COA1: variants seen among roughly 807,000 people sequenced by gnomAD.
The protein encoded by COA1 is cytochrome c oxidase assembly factor 1 homolog.
In COA1, 13 loss-of-function variants were observed where a neutral mutation model predicts 16.0. That is an observed-to-expected ratio of 0.81 (90% CI 0.53 to 1.29). COA1 has a LOEUF of 1.29. Ranked by LOEUF, COA1 falls within the 50% of genes most tolerant of loss-of-function variation. COA1 has a pLI of 0.00. For missense variants in COA1, 179 were observed against 177.0 expected (o/e 1.01, Z -0.06); for synonymous variants, 65 against 65.7 (o/e 0.99, Z 0.05).
chr7:43,615,654 G>A (rs530796807), intron 6 of COA1, among the ~76,000 whole-genome samples: 1 of 152,152 alleles, frequency 6.6e-6, no homozygotes, highest in East Asian at 1.9e-4. Flanking sequence ...AGCCTACAAA[G>A]CCCTGTGATC....
intron 1 of COA1, among the ~76,000 whole-genome samples, chr7:43,721,338 TATC>T (rs1319817235): frequency 6.6e-6 from 1 of 152,238 alleles, no homozygotes; most frequent in African/African-American, 2.4e-5. Flanking sequence ...GTACAGCAAT[TATC>T]GTCCAGCTGA....
chr7:43,714,036 A>G (rs849187), intron 1 of COA1, among the ~76,000 whole-genome samples: 125,524 of 151,732 alleles, frequency 0.83, 52,371 homozygotes, highest in African/African-American at 0.94. Context: ...CACAGATGGC[A>G]GGAAAAAAAA....
At chr7:43,612,000 C>T (rs1463786010) in intron 6 of COA1, among the ~76,000 whole-genome samples, 2 of 152,186 alleles carry the variant, frequency 1.3e-5, no homozygotes, top group African/African-American at 4.8e-5. Context: ...ATATTAAGTT[C>T]TTGAATACCA....
At chr7:43,647,719 G>T in intron 2 of COA1, 85 bp from the exon 3 acceptor site, 1 of 1,000,662 alleles carries the variant, frequency 1.0e-6, no homozygotes, top group Non-Finnish European at 1.5e-6. Flanking sequence ...CTAAAGGAAA[G>T]AAGCATTAAG....
chr7:43,612,840 T>C (rs1461468979), intron 6 of COA1, among the ~76,000 whole-genome samples: 1 of 152,042 alleles, frequency 6.6e-6, no homozygotes, highest in Non-Finnish European at 1.5e-5. Context: ...GATGCAGATT[T>C]AGGAGTCTGT....
At chr7:43,636,530 G>GA (rs2085906640), downstream of COA1, among the ~76,000 whole-genome samples, 1 of 152,220 alleles carries the variant, frequency 6.6e-6, no homozygotes, top group South Asian at 2.1e-4. Context: ...CTTGCTTTGG[G>GA]AAAACCCTTC....
intron 1 of COA1, among the ~76,000 whole-genome samples, chr7:43,696,390 G>T (rs1284337739): frequency 6.6e-6 from 1 of 152,140 alleles, no homozygotes; most frequent in Non-Finnish European, 1.5e-5. Context: ...ATAATTCAAG[G>T]TGAGATTTGG....
chr7:43,610,290 T>A (rs10242308), intron 6 of COA1, among the ~76,000 whole-genome samples: 2,823 of 134,598 alleles, frequency 0.021, 95 homozygotes, highest in African/African-American at 0.076. Flanking sequence ...GAGCTTGCAG[T>A]GAGCCGAGAT....
intron 1 of COA1, among the ~76,000 whole-genome samples, chr7:43,663,178 C>A (rs938709913): frequency 6.6e-6 from 1 of 152,202 alleles, no homozygotes; most frequent in Admixed American, 6.5e-5. Flanking sequence ...CTCGCTCCTG[C>A]TCTTGCCATA....
rs1563382337 is a variant in COA1 at position 43,691,321 on chromosome 7, GAAAGAA to G, written c.-39+38102_-39+38107del. Reference sequence around the variant, plus strand: ...AGAAAGAAAGAAAGAAAGAAAGAAAGAAAGAAAGAGAAAGAGAGAGAGGGAGGGAGG... The same window carrying G: ...AGAAAGAAAGAAAGAAAGAAAGAAAGAGAGAAAGAGAGAGAGGGAGGGAGG... On this transcript the variant is annotated intron_variant, in intron 1 of 5. Coordinates refer to ENST00000223336, the MANE Select transcript of COA1 (RefSeq NM_018224.4). Among the ~76,000 whole-genome samples the G allele has an allele frequency of 2.4e-3, 232 of 98,518 alleles. 2 individuals are homozygous for G. The highest frequency in any genetic ancestry group is 3.2e-3 in the Non-Finnish European group (158 of 48,740). 64.6% of individuals were successfully genotyped at this position (98,518 alleles called of 152,430 possible).
chr7:43,639,758 G>A lies in COA1; in HGVS notation c.342-77C>T. 5.4e-6 allele frequency: 6 copies of A among 1,119,564 alleles called. No homozygotes were observed. The South Asian group carries it at 7.9e-5, about 15-fold the overall frequency. 69.4% of individuals were successfully genotyped at this position (1,119,564 alleles called of 1,614,324 possible). ...AGCCGTAGTCAAAAAAAGGGGCGCG[G>A]AAAGCAGTTGTTTTGAATAATGCCT... On this transcript the variant is annotated intron_variant, in intron 5 of 5. Coordinates refer to ENST00000223336, the MANE Select transcript of COA1 (RefSeq NM_018224.4).
At chr7:43,614,829 G>A (rs113023896) in intron 6 of COA1, among the ~76,000 whole-genome samples, 1,747 of 152,198 alleles carry the variant, frequency 0.011, 35 homozygotes, top group African/African-American at 0.04. Context: ...CACTGATTTA[G>A]GATTTACAAC....
intron 6 of COA1, chr7:43,626,882 AG>A (rs1172414261): frequency 6.6e-6 from 1 of 152,158 alleles, no homozygotes; most frequent in Non-Finnish European, 1.5e-5. Flanking sequence ...ACTGAGTCAT[AG>A]GGTGCTTTTT....
intron 1 of COA1, among the ~76,000 whole-genome samples, chr7:43,674,194 AT>A (rs1291250062): frequency 6.6e-6 from 1 of 152,188 alleles, no homozygotes; most frequent in Non-Finnish European, 1.5e-5. Context: ...CCTAAGTAGA[AT>A]TTTTAAGTCT....
chr7:43,645,248 T>C lies in COA1; in HGVS notation c.264+3A>G, dbSNP rs199708108. On this transcript the variant is annotated splice_donor_region_variant and intron_variant, in intron 4 of 5. Transcript: ENST00000223336. Reference sequence around the variant, plus strand: ...CCTGCGGTTCGCAGGGAAAGCACATTACCTTGGCATCAACAATGTCCACGA... The same window carrying C: ...CCTGCGGTTCGCAGGGAAAGCACATCACCTTGGCATCAACAATGTCCACGA... The C allele has an allele frequency of 6.6e-4, 1,065 of 1,613,770 alleles. 6 individuals are homozygous for C. The Middle Eastern group carries it at 0.014, about 21-fold the overall frequency.
At chr7:43,691,336 AGAGAGAGGGAGG>A (rs1239545076) in intron 1 of COA1, among the ~76,000 whole-genome samples, 1 of 37,366 alleles carries the variant, frequency 2.7e-5, no homozygotes, top group Non-Finnish European at 5.2e-5. Flanking sequence ...AAAGAGAAAG[AGAGAGAGGGAGG>A]GAGGGAGGGA....
chr7:43,695,106 C>G (rs980445707), intron 1 of COA1, among the ~76,000 whole-genome samples: 1 of 152,244 alleles, frequency 6.6e-6, no homozygotes, highest in African/African-American at 2.4e-5. Context: ...ACCATCATCT[C>G]TTCCCTGGAT....
chr7:43,637,061 G>A (rs571174635), downstream of COA1, among the ~76,000 whole-genome samples: 133 of 152,230 alleles, frequency 8.7e-4, no homozygotes, highest in African/African-American at 2.9e-3. Flanking sequence ...CTTTCTTCAT[G>A]TTGTGCTTTC....
chr7:43,614,548 T>G (rs188906439), intron 6 of COA1, among the ~76,000 whole-genome samples: 1 of 152,350 alleles, frequency 6.6e-6, no homozygotes, highest in East Asian at 1.9e-4. Context: ...GTCCTGTAAT[T>G]GTATATATAT....
Sources: gnomAD v4.1 joint callset for allele counts (sites outside exome capture counted in the v4.1 genomes callset) on GRCh38, gnomAD v4.1.1 for gene constraint, MANE v1.5 for transcripts, NCBI Gene and HGNC (gene_info 2026-07-23, HGNC 2026-07-21) for gene names.